ZNF454: variants seen among roughly 807,000 people sequenced by gnomAD.
ZNF454 encodes the protein zinc finger protein 454.
ZNF454 carries 30 observed loss-of-function variants against 48.2 expected under a neutral mutation model. The observed-to-expected ratio is 0.62, with a 90% CI of 0.47 to 0.84. The LOEUF is 0.84. ZNF454 is among the 40% of genes least tolerant of loss of function. The pLI is 0.00. For synonymous variants in ZNF454, 204 were observed against 211.4 expected (o/e 0.97, Z 0.30); for missense variants, 510 against 623.1 (o/e 0.82, Z 1.93).
chr5:178,988,737 C>G, the ZNF454 span, among the ~76,000 whole-genome samples: 1 of 152,174 alleles, frequency 6.6e-6, no homozygotes, highest in Non-Finnish European at 1.5e-5. The surrounding 1 kb of genome is among the most constrained non-coding windows in gnomAD (Gnocchi z 6.0). Flanking sequence ...GCAGGGAACA[C>G]TGAAGCCTGG....
chr5:178,987,442 A>G, the ZNF454 span: 1 of 457,716 alleles, frequency 2.2e-6, no homozygotes, highest in Non-Finnish European at 4.4e-6. Context: ...GACGAACACG[A>G]CGGGGCCATT....
Position 178,965,034 on chromosome 5 carries a change from T to C in ZNF454, c.630T>C (p.His210=), listed in dbSNP as rs768123392. 2 of 1,614,112 alleles carry C rather than the reference T, an allele frequency of 1.2e-6. No individual in the cohort carries two copies. The highest frequency in any genetic ancestry group is 1.7e-5 in the Admixed American group (1 of 60,006). Residue 210 remains histidine, a synonymous_variant, in exon 5 of 5, where the codon CAT becomes CAC. Transcript: ENST00000519564. This position sits in a 1 kb window ranked among gnomAD's most constrained non-coding sequence, Gnocchi z 5.2. ...AAAAAAATGCAAATCAGAAAATTCA[T>C]ATTAAGGAGAAAAGATATGAATGTA... ...HNEKNANQKI[H]IKEKRYECRE...
At chr5:178,966,935 T>C (rs1162683760), downstream of ZNF454, among the ~76,000 whole-genome samples, 2 of 152,234 alleles carry the variant, frequency 1.3e-5, no homozygotes, top group Non-Finnish European at 2.9e-5. Context: ...ACTGTCTGCA[T>C]GGTGCCACCT....
chr5:178,985,730 A>G, the ZNF454 span: 3 of 434,704 alleles, frequency 6.9e-6, no homozygotes, highest in African/African-American at 2.1e-5. Flanking sequence ...CAACACAGGA[A>G]CCAAAATAGA....
In ZNF454 at chr5:178,965,124, C is replaced by G. The variant is rs758237207; in HGVS notation, c.720C>G (p.Gly240=). Residue 240 remains glycine, a synonymous_variant, in exon 5 of 5, where the codon GGC becomes GGG. Transcript: ENST00000519564. The surrounding 1 kb of genome is among the most constrained non-coding windows in gnomAD (Gnocchi z 5.2). ...TCCATCACCAAAGAATTCACACTGG[C>G]GAGAAACCCTATGAATGTAAGGAAT... The part of the protein sequence containing the change: ...HLIHHQRIHT[G]EKPYECKECG... 1 of 1,613,834 alleles carries G rather than the reference C, an allele frequency of 6.2e-7. No individual in the cohort carries two copies. The highest frequency in any genetic ancestry group is 8.5e-7 in the Non-Finnish European group (1 of 1,179,980).
chr5:178,951,923 T>C (rs889549746), intron 4 of ZNF454, among the ~76,000 whole-genome samples: 86 of 152,360 alleles, frequency 5.6e-4, no homozygotes, highest in African/African-American at 2.0e-3. Flanking sequence ...CTTAAATCCC[T>C]GCCCAAATTT....
At chr5:178,960,053 G>A (rs542288420) in intron 4 of ZNF454, among the ~76,000 whole-genome samples, 48 of 143,412 alleles carry the variant, frequency 3.3e-4, no homozygotes, top group African/African-American at 1.1e-3. Context: ...GGCTTATGGC[G>A]ATCCTCCCAC....
the ZNF454 span, chr5:178,983,639 C>G: frequency 6.3e-4 from 224 of 353,604 alleles, 2 homozygotes; most frequent in East Asian, 0.017. Context: ...AGCCTCCTCA[C>G]GTGTACTGAG....
the ZNF454 span, chr5:178,989,224 T>TGC: frequency 2.4e-6 from 2 of 826,422 alleles, no homozygotes; most frequent in Non-Finnish European, 3.5e-6. Context: ...CTCACCACCC[T>TGC]CCCCACCCTC....
intron 4 of ZNF454, among the ~76,000 whole-genome samples, chr5:178,947,690 C>T (rs998706218): frequency 6.6e-5 from 10 of 152,130 alleles, no homozygotes; most frequent in African/African-American, 1.9e-4. Flanking sequence ...GTGTGTTTTT[C>T]TCCCTTAATC....
chr5:178,983,029 G>C, the ZNF454 span: 1 of 1,613,836 alleles, frequency 6.2e-7, no homozygotes, highest in Non-Finnish European at 8.5e-7. Flanking sequence ...GGCACGCCAC[G>C]GGCCTTGATG....
chr5:178,986,121 C>A, the ZNF454 span: 1 of 1,611,514 alleles, frequency 6.2e-7, no homozygotes, highest in Non-Finnish European at 8.5e-7. Context: ...TGGGAGCCTA[C>A]GGACCCACCT....
the ZNF454 span, chr5:178,985,421 T>G: frequency 5.9e-6 from 2 of 340,154 alleles, no homozygotes; most frequent in Non-Finnish European, 1.1e-5. Flanking sequence ...AAAAAAAAAC[T>G]CACTGGGCGC....
rs1445402084 is a variant in ZNF454, at chr5:178,946,556, A to G, written c.160+71A>G. On this transcript the variant is annotated intron_variant, in intron 3 of 4. Coordinates refer to ENST00000519564, the MANE Select transcript of ZNF454 (RefSeq NM_001178089.3). The surrounding 1 kb of genome is among the most constrained non-coding windows in gnomAD (Gnocchi z 4.5). ...TTTGGGACCCTTACATTGACACCAT[A>G]TAGAAGAGTCGGTTGGACCAACTGA... 2.6e-6 allele frequency: 4 copies of G among 1,523,074 alleles called. No individual in the cohort carries two copies. The highest frequency in any genetic ancestry group is 2.8e-5 in the African/African-American group (2 of 71,500). 94.3% of individuals were successfully genotyped at this position (1,523,074 alleles called of 1,614,324 possible).
chr5:178,987,041 G>C, the ZNF454 span: 2 of 1,560,606 alleles, frequency 1.3e-6, no homozygotes, highest in Non-Finnish European at 8.8e-7. Flanking sequence ...CTGGCCTCCT[G>C]GGGAGGCCCC....
At position 178,941,202 on chromosome 5, in the gene ZNF454, C is replaced by G. The variant is rs1317677201; in HGVS notation, c.-350C>G. The G allele has an allele frequency of 8.5e-6, 3 of 354,996 alleles. No individual in the cohort carries two copies. The highest frequency in any genetic ancestry group is 6.4e-5 in the African/African-American group (3 of 46,700). The allele number at this position is 354,996 out of a possible 1,614,324, so 22.0% of individuals were successfully genotyped here. A position where few individuals can be genotyped will look rare whatever the true frequency, so the allele number is the denominator to read the frequency against. On this transcript the variant is annotated 5_prime_UTR_variant, in exon 1 of 5. Coordinates refer to ENST00000519564, the MANE Select transcript of ZNF454 (RefSeq NM_001178089.3). This position sits in a 1 kb window ranked among gnomAD's most constrained non-coding sequence, Gnocchi z 5.5. ...GGCAACGCGCAAGCGCAGTTCGGCT[C>G]CCGGCTGCAGACTCCAGCTCATTGT...
intron 4 of ZNF454, among the ~76,000 whole-genome samples, chr5:178,950,175 C>A (rs1759497332): frequency 1.3e-5 from 2 of 152,160 alleles, no homozygotes; most frequent in Admixed American, 1.3e-4. Flanking sequence ...ACCTGGCTGA[C>A]ACTTATTTTT....
At chr5:178,988,866 C>T in the ZNF454 span, 1 of 1,324,432 alleles carries the variant, frequency 7.6e-7, no homozygotes, top group East Asian at 2.4e-5. This position sits in a 1 kb window ranked among gnomAD's most constrained non-coding sequence, Gnocchi z 6.0. Flanking sequence ...GAGGTTGTCC[C>T]AGGCCTCACA....
At position 178,942,843 on chromosome 5, in the gene ZNF454, C is replaced by T; in HGVS notation, c.33+19C>T. On this transcript the variant is annotated intron_variant, in intron 2 of 4. Coordinates refer to ENST00000519564, the MANE Select transcript of ZNF454 (RefSeq NM_001178089.3). ...GGTCCAGGTGAGTGGGGGTTTCTTCCCCCTAAATTGCTTTCTGGATTTGAA... is the reference window on the plus strand; with the variant it reads ...GGTCCAGGTGAGTGGGGGTTTCTTCTCCCTAAATTGCTTTCTGGATTTGAA... 9 of 1,608,712 alleles carry T rather than the reference C, an allele frequency of 5.6e-6. No individual in the cohort carries two copies. The highest frequency in any genetic ancestry group is 7.6e-6 in the Non-Finnish European group (9 of 1,177,498).
Sources: gnomAD v4.1 joint callset for allele counts (sites outside exome capture counted in the v4.1 genomes callset) on GRCh38, gnomAD v4.1.1 for gene constraint, Gnocchi (gnomAD v3.1) non-coding constraint, MANE v1.5 for transcripts, NCBI Gene and HGNC (gene_info 2026-07-23, HGNC 2026-07-21) for gene names.